The following NCAM2 variants were observed in gnomAD, a reference collection of about 807,000 sequenced individuals.
NCAM2 encodes the protein neural cell adhesion molecule 2, also known as N-CAM-2.
Under a neutral mutation model 98.1 loss-of-function variants are expected in NCAM2, and 30 were observed. The ratio of observed to expected loss-of-function variants is 0.31; its 90% CI spans 0.23 to 0.41. The LOEUF (loss-of-function observed/expected upper bound fraction) is 0.41, where lower values mean the gene tolerates loss of function less well. Ranked by LOEUF, NCAM2 falls within the 10% of genes least tolerant of loss-of-function variation. The pLI, the probability that NCAM2 is intolerant of heterozygous loss-of-function variation, is 1.00. For synonymous variants in NCAM2, 368 were observed against 342.4 expected (o/e 1.07, Z -0.83); for missense variants, 867 against 1,005.8 (o/e 0.86, Z 1.87).
intron 1 of NCAM2, among the ~76,000 whole-genome samples, chr21:21,249,838 T>G (rs754618203): frequency 1.3e-5 from 2 of 152,174 alleles, no homozygotes; most frequent in Non-Finnish European, 2.9e-5. Context: ...ATTATTTGAA[T>G]CTATGAATTT....
At chr21:21,157,243 A>G (rs1256111434) in intron 1 of NCAM2, among the ~76,000 whole-genome samples, 1 of 152,152 alleles carries the variant, frequency 6.6e-6, no homozygotes, top group African/African-American at 2.4e-5. Flanking sequence ...GCAATTCACT[A>G]CTTGAACCCG....
At chr21:21,076,158 C>T (rs2065678099) in intron 1 of NCAM2, among the ~76,000 whole-genome samples, 1 of 150,748 alleles carries the variant, frequency 6.6e-6, no homozygotes, top group African/African-American at 2.4e-5. Flanking sequence ...TCAGCATTTT[C>T]AAAAGTTCAA....
At chr21:21,359,931 T>G (rs1346179937) in intron 8 of NCAM2, among the ~76,000 whole-genome samples, 3 of 151,922 alleles carry the variant, frequency 2.0e-5, no homozygotes, top group Non-Finnish European at 2.9e-5. Context: ...CAAGATTAAA[T>G]AAATTTGAAT....
intron 1 of NCAM2, among the ~76,000 whole-genome samples, chr21:21,052,016 T>A (rs538944928): frequency 1.4e-4 from 21 of 152,242 alleles, no homozygotes; most frequent in African/African-American, 4.6e-4. Flanking sequence ...GGATTTTTTT[T>A]AACAAAGGTA....
Position 21,073,255 on chromosome 21 carries a change from ACTTC to A in NCAM2, c.55+74641_55+74644del, listed in dbSNP as rs1484986290. Among the ~76,000 whole-genome samples, 3 of 152,166 alleles carry A rather than the reference ACTTC, an allele frequency of 2.0e-5. No homozygotes were observed. In the East Asian group the frequency reaches 5.8e-4, roughly 29 times the overall value. ...ACACTTATAAATGCTATTCACCAAG[ACTTC>A]CTTTTAAAATTCCATAAAATTTTTA... On this transcript the variant is annotated intron_variant, in intron 1 of 17. Transcript: ENST00000400546.
intron 4 of NCAM2, 41 bp from the exon 5 acceptor site, chr21:21,292,063 C>A (rs745983097): frequency 6.3e-7 from 1 of 1,589,410 alleles, no homozygotes; most frequent in African/African-American, 1.4e-5. Context: ...ACTTAGCCTT[C>A]AATTACTGAT....
chr21:21,476,306 T>C (rs1985160188), intron 14 of NCAM2, among the ~76,000 whole-genome samples: 1 of 152,148 alleles, frequency 6.6e-6, no homozygotes, highest in African/African-American at 2.4e-5. Flanking sequence ...ACAGTTTTTA[T>C]GGAAACAGTT....
At chr21:21,183,688 C>T (rs1295782339) in intron 1 of NCAM2, among the ~76,000 whole-genome samples, 2 of 152,102 alleles carry the variant, frequency 1.3e-5, no homozygotes, top group Admixed American at 6.6e-5. Context: ...CCCAAGAGAT[C>T]TCTTTGAGAA....
At chr21:21,401,927 A>T (rs1197288231) in intron 9 of NCAM2, among the ~76,000 whole-genome samples, 2 of 152,178 alleles carry the variant, frequency 1.3e-5, no homozygotes, top group South Asian at 4.1e-4. Context: ...ATGGACATTT[A>T]TCACTTCCCT....
chr21:21,128,032 AT>A (rs931051228), intron 1 of NCAM2, among the ~76,000 whole-genome samples: 284 of 151,134 alleles, frequency 1.9e-3, no homozygotes, highest in African/African-American at 6.4e-3. Context: ...TTCCCTTTGT[AT>A]TTTTTTTTAA....
intron 1 of NCAM2, among the ~76,000 whole-genome samples, chr21:21,125,842 AACTG>A (rs2066810006): frequency 6.6e-6 from 1 of 151,422 alleles, no homozygotes; most frequent in South Asian, 2.1e-4. Flanking sequence ...TCTGAATTGA[AACTG>A]AATGAACTTC....
chr21:21,080,180 G>A (rs541112624), intron 1 of NCAM2, among the ~76,000 whole-genome samples: 27 of 152,262 alleles, frequency 1.8e-4, no homozygotes, highest in African/African-American at 6.5e-4. Context: ...ATGGGTGTAT[G>A]TATTTGCTCA....
chr21:21,282,779 A>G (rs1404504795), intron 2 of NCAM2, among the ~76,000 whole-genome samples: 1 of 151,876 alleles, frequency 6.6e-6, no homozygotes, highest in African/African-American at 2.4e-5. Context: ...TGTACGTACA[A>G]ATAGTCCAGC....
At chr21:21,086,898 G>C (rs114271051) in intron 1 of NCAM2, among the ~76,000 whole-genome samples, 1 of 150,964 alleles carries the variant, frequency 6.6e-6, no homozygotes, top group African/African-American at 2.4e-5. Context: ...TACTTATTAT[G>C]TCTTGCTAGG....
At chr21:21,466,488 A>G (rs1013276927) in intron 12 of NCAM2, 118 bp from the exon 13 acceptor site, 6 of 722,934 alleles carry the variant, frequency 8.3e-6, no homozygotes, top group African/African-American at 7.5e-5. Context: ...GAAAGATTTC[A>G]GTGAAATTAT....
At chr21:21,221,968 T>G (rs2070187849) in intron 1 of NCAM2, among the ~76,000 whole-genome samples, 1 of 152,180 alleles carries the variant, frequency 6.6e-6, no homozygotes, top group African/African-American at 2.4e-5. Context: ...CTAATGCAGC[T>G]GATGACTAAT....
chr21:21,107,794 C>T (rs1248880093), intron 1 of NCAM2, among the ~76,000 whole-genome samples: 2 of 152,052 alleles, frequency 1.3e-5, no homozygotes, highest in African/African-American at 4.8e-5. Context: ...TGACACTACC[C>T]AGTGGATATG....
chr21:21,078,820 TA>T (rs1471918962), intron 1 of NCAM2, among the ~76,000 whole-genome samples: 1 of 151,874 alleles, frequency 6.6e-6, no homozygotes, highest in African/African-American at 2.4e-5. Context: ...ATAAAGAAAA[TA>T]TGATACATAT....
intron 12 of NCAM2, among the ~76,000 whole-genome samples, chr21:21,443,436 T>C (rs1054340073): frequency 1.8e-4 from 27 of 151,440 alleles, no homozygotes; most frequent in African/African-American, 6.1e-4. Context: ...TTTTTTTTTC[T>C]TTTTTCTTCT....
Sources: allele counts gnomAD v4.1 joint callset (sites outside exome capture counted in the v4.1 genomes callset), GRCh38; gene constraint gnomAD v4.1.1; transcripts MANE v1.5; gene names NCBI Gene and HGNC (gene_info 2026-07-23, HGNC 2026-07-21).